The following USP40 variants were observed in gnomAD, a reference collection of about 807,000 sequenced individuals.
The protein encoded by USP40 is ubiquitin carboxyl-terminal hydrolase 40.
In USP40, 143 loss-of-function variants were observed where a neutral mutation model predicts 166.2. The observed-to-expected ratio is 0.86, with a 90% CI of 0.75 to 0.99. The LOEUF (loss-of-function observed/expected upper bound fraction) is 0.99, where lower values mean the gene tolerates loss of function less well. USP40 is among the 50% of genes least tolerant of loss of function. The probability of loss-of-function intolerance (pLI) is 0.00; values close to 1 mark genes in which losing one functional copy is unlikely to be tolerated. For missense variants in USP40, 1,444 were observed against 1,479.7 expected, an observed-to-expected ratio of 0.98 and a Z score of 0.40; for synonymous variants, 498 against 524.0, an observed-to-expected ratio of 0.95 and a Z score of 0.68.
intron 27 of USP40, 132 bp downstream of exon 27, chr2:233,489,233 C>G (rs2065146486): frequency 2.4e-6 from 2 of 830,426 alleles, no homozygotes; most frequent in East Asian, 5.3e-5. Flanking sequence ...TCACCCAAGT[C>G]ACAAGCGTGG....
chr2:233,539,197 A>G (rs1255656394), intron 10 of USP40, among the ~76,000 whole-genome samples: 1 of 116,758 alleles, frequency 8.6e-6, no homozygotes, highest in Non-Finnish European at 1.8e-5. Flanking sequence ...ATTCCTCAGT[A>G]ATTAATAGAA....
At chr2:233,562,421 T>C (rs1399900697) in intron 3 of USP40, among the ~76,000 whole-genome samples, 2 of 151,068 alleles carry the variant, frequency 1.3e-5, no homozygotes, top group Non-Finnish European at 2.9e-5. Context: ...TGTAGGGACA[T>C]GGATGAAATT....
At chr2:233,542,418 A>G in intron 8 of USP40, 55 bp from the exon 9 acceptor site, 3 of 1,112,110 alleles carry the variant, frequency 2.7e-6, no homozygotes, top group Non-Finnish European at 3.9e-6. Flanking sequence ...AAGTAACAAA[A>G]TAGGAATGTT....
In USP40 at chr2:233,517,041, G is replaced by A. The variant is rs369507657; in HGVS notation, c.2383+2573C>T. Among the ~76,000 whole-genome samples the A allele has an allele frequency of 8.5e-5, 13 of 152,174 alleles. No individual in the cohort carries two copies. The East Asian group carries it at 2.3e-3, about 27-fold the overall frequency. ...CATAATATTTTATGCTATTATAAATGTTTTCTTAATTTTGATGTCGATTTT... is the reference window on the plus strand; with the variant it reads ...CATAATATTTTATGCTATTATAAATATTTTCTTAATTTTGATGTCGATTTT... On this transcript the variant is annotated intron_variant, in intron 18 of 31. Transcript: ENST00000678225.
chr2:233,523,136 T>C (rs2067770003), intron 16 of USP40, 34 bp downstream of exon 16: 1 of 1,569,392 alleles, frequency 6.4e-7, no homozygotes, highest in Non-Finnish European at 8.6e-7. Context: ...TAAAATGACT[T>C]TTAGAAATCC....
intron 13 of USP40, among the ~76,000 whole-genome samples, chr2:233,526,355 T>A (rs2068032254): frequency 6.6e-6 from 1 of 152,124 alleles, no homozygotes; most frequent in Non-Finnish European, 1.5e-5. Context: ...AATATCCCCC[T>A]AGACTAGGTT....
chr2:233,482,390 C>A (rs901617733), intron 30 of USP40, among the ~76,000 whole-genome samples: 1 of 151,626 alleles, frequency 6.6e-6, no homozygotes, highest in Non-Finnish European at 1.5e-5. Context: ...CTGTCAATTT[C>A]TTTCCACTTC....
intron 10 of USP40, 78 bp from the exon 11 acceptor site, chr2:233,533,857 C>T (rs1285447036): frequency 2.6e-5 from 35 of 1,357,152 alleles, no homozygotes; most frequent in Non-Finnish European, 3.4e-5. Context: ...TGTTTTCTTC[C>T]TTTCTGTGAT....
chr2:233,515,103 G>A (rs940906895), intron 18 of USP40, among the ~76,000 whole-genome samples: 1 of 152,194 alleles, frequency 6.6e-6, no homozygotes, highest in African/African-American at 2.4e-5. Flanking sequence ...TTGCTCTTCA[G>A]TGACGAACAG....
At chr2:233,545,330 T>G (rs1408177892) in intron 8 of USP40, among the ~76,000 whole-genome samples, 1 of 152,202 alleles carries the variant, frequency 6.6e-6, no homozygotes, top group Non-Finnish European at 1.5e-5. Flanking sequence ...ATATGACAAG[T>G]TGATCCAGAT....
At position 233,498,618 on chromosome 2, in the gene USP40, A is replaced by G; in HGVS notation, c.2651-6T>C. 1 of 1,611,616 alleles carries G rather than the reference A, an allele frequency of 6.2e-7. No individual in the cohort carries two copies. Among genetic ancestry groups the G allele is most frequent in the Non-Finnish European group, 8.5e-7 (1 of 1,178,964 alleles). On this transcript the variant is annotated splice_region_variant and splice_polypyrimidine_tract_variant and intron_variant, in intron 22 of 31. Coordinates refer to ENST00000678225, the MANE Select transcript of USP40 (RefSeq NM_001365479.2). ...TCGTAAATGCCAGGCATCTCCTATA[A>G]AGGAGTCAAAATTGGGATAAAAAAA... is the stretch of plus-strand genomic sequence containing the variant.
intron 10 of USP40, among the ~76,000 whole-genome samples, chr2:233,535,572 C>T (rs561979193): frequency 6.6e-6 from 1 of 152,250 alleles, no homozygotes; most frequent in East Asian, 1.9e-4. Flanking sequence ...GAACTAAAGC[C>T]AAAATTGTAA....
intron 5 of USP40, among the ~76,000 whole-genome samples, chr2:233,556,281 A>C (rs1253421024): frequency 9.6e-6 from 1 of 104,606 alleles, no homozygotes; most frequent in Non-Finnish European, 2.4e-5. Flanking sequence ...ACATGAGCAA[A>C]TTTCCAATTT....
chr2:233,543,079 C>T (rs1015854929), intron 8 of USP40, among the ~76,000 whole-genome samples: 1 of 152,134 alleles, frequency 6.6e-6, no homozygotes, highest in African/African-American at 2.4e-5. Context: ...CCTGACCATC[C>T]AAGTTTTCAC....
rs1293906179 is a variant in USP40, at chr2:233,496,915, A to G, written c.2716-83T>C. On this transcript the variant is annotated intron_variant, in intron 23 of 31. Coordinates refer to ENST00000678225, the MANE Select transcript of USP40 (RefSeq NM_001365479.2). ...GATCTTTTTAAAACCCCATGCCTCT[A>G]TTATCTTTTCAAAAATTAAATGAAT... is the stretch of plus-strand genomic sequence containing the variant. 5 of 978,784 alleles carry G rather than the reference A, an allele frequency of 5.1e-6. No homozygotes were observed. In the African/African-American group the frequency reaches 6.6e-5, roughly 13 times the overall value. 60.6% of individuals were successfully genotyped at this position (978,784 alleles called of 1,614,324 possible). A position where few individuals can be genotyped will look rare whatever the true frequency, so the allele number is the denominator to read the frequency against.
intron 21 of USP40, among the ~76,000 whole-genome samples, chr2:233,507,956 C>T (rs1050533487): frequency 6.6e-6 from 1 of 151,798 alleles, no homozygotes. Flanking sequence ...CCCATAAATA[C>T]GTGTCAATTT....
chr2:233,554,713 T>C (rs1457823472), intron 5 of USP40, among the ~76,000 whole-genome samples, 187 bp from the exon 6 acceptor site: 1 of 152,236 alleles, frequency 6.6e-6, no homozygotes, highest in Non-Finnish European at 1.5e-5. Context: ...GAAATTGAAC[T>C]ATAATTTAGC....
intron 8 of USP40, chr2:233,546,092 C>T (rs1575327594): frequency 6.6e-6 from 1 of 152,210 alleles, no homozygotes; most frequent in Non-Finnish European, 1.5e-5. Flanking sequence ...TGAGGAAGAC[C>T]TTGCTAAGGT....
chr2:233,538,764 C>T (rs949969504), intron 10 of USP40, among the ~76,000 whole-genome samples: 1 of 152,150 alleles, frequency 6.6e-6, no homozygotes, highest in Non-Finnish European at 1.5e-5. Flanking sequence ...TGCCTATAAT[C>T]CCAGCACTTT....
Sources: gnomAD v4.1 joint callset for allele counts (sites outside exome capture counted in the v4.1 genomes callset) on GRCh38, gnomAD v4.1.1 for gene constraint, MANE v1.5 for transcripts, NCBI Gene and HGNC (gene_info 2026-07-23, HGNC 2026-07-21) for gene names.